Variants in RORB observed in about 807,000 individuals in gnomAD.
RORB encodes the protein nuclear receptor ROR-beta.
RORB carries 6 observed loss-of-function variants against 59.1 expected under a neutral mutation model. The observed-to-expected ratio is 0.10, with a 90% CI of 0.06 to 0.20. The LOEUF (loss-of-function observed/expected upper bound fraction) is 0.20, where lower values mean the gene tolerates loss of function less well. Ranked by LOEUF, RORB falls within the 10% of genes least tolerant of loss-of-function variation. The probability of loss-of-function intolerance (pLI) is 1.00; values close to 1 mark genes in which losing one functional copy is unlikely to be tolerated. For missense variants in RORB, 320 were observed against 560.5 expected (o/e 0.57, Z 4.33); for synonymous variants, 215 against 204.5 (o/e 1.05, Z -0.44).
At chr9:74,536,341 G>A (rs1018547331) in intron 1 of RORB, among the ~76,000 whole-genome samples, 1 of 151,852 alleles carries the variant, frequency 6.6e-6, no homozygotes, top group Non-Finnish European at 1.5e-5. Context: ...GAAGAAAAGA[G>A]GTAGTAGAAG....
intron 1 of RORB, among the ~76,000 whole-genome samples, chr9:74,597,740 C>G (rs773651700): frequency 6.6e-6 from 1 of 152,126 alleles, no homozygotes; most frequent in African/African-American, 2.4e-5. Flanking sequence ...GGGCAGATCA[C>G]CTGAGATCAG....
chr9:74,501,985 G>C (rs1250411064), intron 1 of RORB, among the ~76,000 whole-genome samples: 1 of 152,146 alleles, frequency 6.6e-6, no homozygotes, highest in Admixed American at 6.5e-5. Context: ...TTGCTCATTA[G>C]AGAATCCCTA....
chr9:74,681,079 A>AG (rs1386466350), intron 9 of RORB, among the ~76,000 whole-genome samples: 1 of 152,208 alleles, frequency 6.6e-6, no homozygotes, highest in Non-Finnish European at 1.5e-5. Context: ...GCCTTTTGAT[A>AG]GATCCTCTGT....
rs558304989 is a variant in RORB at position 74,670,045 on chromosome 9, T to C, written c.1112-1744T>C. On this transcript the variant is annotated intron_variant, in intron 8 of 9. Coordinates refer to ENST00000376896, the MANE Select transcript of RORB (RefSeq NM_006914.4). Reference sequence around the variant, plus strand: ...ACTAACAGTTTCTTTTATGGCTCTGTCTAAAATCAAGCTGTTCCTCTAGGC... The same window carrying C: ...ACTAACAGTTTCTTTTATGGCTCTGCCTAAAATCAAGCTGTTCCTCTAGGC... Among the ~76,000 whole-genome samples, 4 of 152,226 alleles carry C rather than the reference T, an allele frequency of 2.6e-5. No individual in the cohort carries two copies. The South Asian group carries it at 8.3e-4, about 32-fold the overall frequency.
intron 2 of RORB, among the ~76,000 whole-genome samples, chr9:74,632,868 C>T (rs993210634): frequency 2.6e-5 from 4 of 152,152 alleles, no homozygotes; most frequent in African/African-American, 9.7e-5. Context: ...TGGGAGCTTA[C>T]GTTTGATCTC....
At chr9:74,525,406 A>G (rs1412472256) in intron 1 of RORB, among the ~76,000 whole-genome samples, 1 of 151,980 alleles carries the variant, frequency 6.6e-6, no homozygotes, top group African/African-American at 2.4e-5. Context: ...AAAGTTATAT[A>G]GTCTAGTTCA....
chr9:74,539,589 T>C (rs1826373027), intron 1 of RORB, among the ~76,000 whole-genome samples: 1 of 152,168 alleles, frequency 6.6e-6, no homozygotes, highest in Non-Finnish European at 1.5e-5. Flanking sequence ...AAAACGTTCT[T>C]GCCCTCATAG....
intron 1 of RORB, among the ~76,000 whole-genome samples, chr9:74,621,249 C>A (rs985454028): frequency 6.6e-6 from 1 of 152,134 alleles, no homozygotes. Context: ...AATTCCCTGC[C>A]CTTCACCCCT....
intron 1 of RORB, among the ~76,000 whole-genome samples, chr9:74,552,596 T>A (rs1277370672): frequency 6.6e-6 from 1 of 152,096 alleles, no homozygotes; most frequent in Non-Finnish European, 1.5e-5. Flanking sequence ...CGTAGGGTCA[T>A]GTTTCTATAC....
At chr9:74,679,621 AC>A (rs906112352) in intron 9 of RORB, among the ~76,000 whole-genome samples, 27 of 152,282 alleles carry the variant, frequency 1.8e-4, no homozygotes, top group Admixed American at 5.2e-4. Flanking sequence ...ATTGTGAATA[AC>A]ACATGGCAGG....
At chr9:74,636,103 T>G (rs1416263008) in intron 3 of RORB, among the ~76,000 whole-genome samples, 1 of 152,096 alleles carries the variant, frequency 6.6e-6, no homozygotes, top group African/African-American at 2.4e-5. Context: ...ACCAGATATA[T>G]TTACTCCTAA....
intron 4 of RORB, among the ~76,000 whole-genome samples, chr9:74,649,763 T>C (rs1823962863): frequency 6.6e-6 from 1 of 152,220 alleles, no homozygotes; most frequent in Non-Finnish European, 1.5e-5. Flanking sequence ...CAAGTACTCA[T>C]AGACATACAT....
chr9:74,593,339 G>A (rs893087094), intron 1 of RORB, among the ~76,000 whole-genome samples: 5 of 151,804 alleles, frequency 3.3e-5, no homozygotes, highest in African/African-American at 7.3e-5. Context: ...AGTGGTGTAC[G>A]CCTATAATCC....
intron 1 of RORB, among the ~76,000 whole-genome samples, chr9:74,571,017 A>G (rs717299): frequency 0.41 from 62,624 of 151,204 alleles, 13,985 homozygotes; most frequent in East Asian, 0.77. Context: ...TTTTATAGAT[A>G]GAAAATTCAT....
At chr9:74,557,908 G>T (rs949397000) in intron 1 of RORB, among the ~76,000 whole-genome samples, 4 of 151,946 alleles carry the variant, frequency 2.6e-5, no homozygotes, top group African/African-American at 9.7e-5. Context: ...ACATTTATTG[G>T]TTCATGTTGT....
chr9:74,597,673 T>C (rs1013214139), intron 1 of RORB, among the ~76,000 whole-genome samples: 2 of 152,206 alleles, frequency 1.3e-5, no homozygotes, highest in African/African-American at 4.8e-5. Context: ...AATTTTATAT[T>C]GGTGGCTGGG....
chr9:74,568,601 G>A (rs1822502692), intron 1 of RORB, among the ~76,000 whole-genome samples: 1 of 151,008 alleles, frequency 6.6e-6, no homozygotes. Context: ...TCGGGAGGCT[G>A]AGGCAGGAGA....
At chr9:74,614,980 A>G (rs976767309) in intron 1 of RORB, among the ~76,000 whole-genome samples, 1 of 152,120 alleles carries the variant, frequency 6.6e-6, no homozygotes, top group Non-Finnish European at 1.5e-5. Context: ...AAGTCTCTAC[A>G]CTGGTGCTCA....
Position 74,686,658 on chromosome 9 carries a change from A to G in RORB, c.*1040A>G, listed in dbSNP as rs1401379559. On this transcript the variant is annotated 3_prime_UTR_variant, in exon 10 of 10. Coordinates refer to ENST00000376896, the MANE Select transcript of RORB (RefSeq NM_006914.4). ...CAGCAATTTTTTTCTAGGAAAGTTA[A>G]AAGAATAAATCAGAACCCAGGGCAA... 6.6e-6 allele frequency: 1 copy of G among 152,476 alleles called. No homozygotes were observed. The highest frequency in any genetic ancestry group is 2.4e-5 in the African/African-American group (1 of 41,470). 9.4% of individuals were successfully genotyped at this position (152,476 alleles called of 1,614,324 possible).
Sources: gnomAD v4.1 joint callset for allele counts (sites outside exome capture counted in the v4.1 genomes callset) on GRCh38, gnomAD v4.1.1 for gene constraint, MANE v1.5 for transcripts, NCBI Gene and HGNC (gene_info 2026-07-23, HGNC 2026-07-21) for gene names.